Variants in SLC38A8 observed in about 807,000 individuals in gnomAD.
The protein encoded by SLC38A8 is solute carrier family 38 member 8.
Under a neutral mutation model 46.0 loss-of-function variants are expected in SLC38A8, and 65 were observed. The ratio of observed to expected loss-of-function variants is 1.41; its 90% CI spans 1.16 to 1.74. The LOEUF is 1.74. Among genes scored for constraint, SLC38A8 ranks in the 40% most tolerant of loss-of-function variants. The pLI is 0.00. For synonymous variants in SLC38A8, 447 were observed against 243.7 expected (o/e 1.83, Z -7.77); for missense variants, 998 against 567.9 (o/e 1.76, Z -7.70).
Position 84,009,767 on chromosome 16 carries a change from C to T in SLC38A8, c.*17G>A, listed in dbSNP as rs201725886. Reference sequence around the variant, plus strand: ...CAGCCCCCGGAGGGCCCCTTCCTGCCCGGCACTAGCTGCCCATCAGAACAT... The same window carrying T: ...CAGCCCCCGGAGGGCCCCTTCCTGCTCGGCACTAGCTGCCCATCAGAACAT... On this transcript the variant is annotated 3_prime_UTR_variant, in exon 11 of 11. Transcript: ENST00000299709. 454 of 1,610,862 alleles carry T rather than the reference C, an allele frequency of 2.8e-4. 2 individuals carry two copies. In the African/African-American group the frequency reaches 5.7e-3, roughly 20 times the overall value.
chr16:84,022,433 G>A (rs971286907), intron 7 of SLC38A8, among the ~76,000 whole-genome samples: 4 of 152,240 alleles, frequency 2.6e-5, no homozygotes, highest in Non-Finnish European at 4.4e-5. Context: ...ATGTTACAGT[G>A]TAATGACGGA....
At chr16:84,028,012 GATTACGAGGAA>G (rs2085186536) in intron 6 of SLC38A8, among the ~76,000 whole-genome samples, 2 of 151,822 alleles carry the variant, frequency 1.3e-5, no homozygotes, top group Non-Finnish European at 2.9e-5. Context: ...CACGCCGACT[GATTACGAGGAA>G]GAGAAATGGA....
chr16:84,036,285 G>C (rs776507280), intron 3 of SLC38A8, among the ~76,000 whole-genome samples: 1 of 152,242 alleles, frequency 6.6e-6, no homozygotes, highest in Non-Finnish European at 1.5e-5. Context: ...AAATTGGCAA[G>C]ATGCAGCTAA....
At chr16:84,025,577 C>A (rs574175485) in intron 6 of SLC38A8, among the ~76,000 whole-genome samples, 2 of 152,126 alleles carry the variant, frequency 1.3e-5, no homozygotes, top group Non-Finnish European at 2.9e-5. Context: ...GAGCCTGCAC[C>A]GAGCTGAATA....
At chr16:84,030,637 T>C (rs1156261589) in intron 5 of SLC38A8, among the ~76,000 whole-genome samples, 1 of 152,076 alleles carries the variant, frequency 6.6e-6, no homozygotes, top group East Asian at 1.9e-4. Flanking sequence ...TCTCCATCCT[T>C]CCCACTGTTC....
At chr16:84,037,750 G>C (rs1448098175) in intron 2 of SLC38A8, among the ~76,000 whole-genome samples, 1 of 138,852 alleles carries the variant, frequency 7.2e-6, no homozygotes, top group Non-Finnish European at 1.5e-5. Flanking sequence ...GATACAGAGA[G>C]ACTGCCTCCG....
chr16:84,026,254 G>C (rs11649522), intron 6 of SLC38A8, among the ~76,000 whole-genome samples: 33,522 of 151,430 alleles, frequency 0.22, 4,826 homozygotes, highest in Non-Finnish European at 0.32. Context: ...TTTTGAGACA[G>C]AGTCTCGCTC....
At position 84,017,266 on chromosome 16, in the gene SLC38A8, A is replaced by C; in HGVS notation, c.827T>G (p.Phe276Cys). 6.2e-7 allele frequency: 1 copy of C among 1,614,128 alleles called. No homozygotes were observed. The highest frequency in any genetic ancestry group is 8.5e-7 in the Non-Finnish European group (1 of 1,180,024). ...SLTGVYGFLT[F>C]GTEVSADVLM... ...GACGTCAGCAGAAACTTCTGTCCCAAAAGTCAGGAAGCCATAAACCCCTGA... is the reference window on the plus strand; with the variant it reads ...GACGTCAGCAGAAACTTCTGTCCCACAAGTCAGGAAGCCATAAACCCCTGA... The change falls in exon 8 of 11, where the codon TTT (phenylalanine) becomes TGT (cysteine). Residue 276 changes from phenylalanine to cysteine, a missense_variant. By Grantham distance (205) the Phe-to-Cys change is radical (BLOSUM62 -2). Coordinates refer to ENST00000299709, the MANE Select transcript of SLC38A8 (RefSeq NM_001080442.3).
intron 2 of SLC38A8, 37 bp downstream of exon 2, chr16:84,041,932 C>CGTA (rs1567707108): frequency 6.5e-7 from 1 of 1,529,386 alleles, no homozygotes; most frequent in Non-Finnish European, 8.8e-7. Context: ...AAAGCCACCT[C>CGTA]GTACCCGTCC....
At chr16:84,014,969 A>C (rs1297187160) in intron 9 of SLC38A8, among the ~76,000 whole-genome samples, 1 of 152,144 alleles carries the variant, frequency 6.6e-6, no homozygotes, top group Non-Finnish European at 1.5e-5. Context: ...GAGTTTTGGA[A>C]GACCTGTAAG....
At chr16:84,019,633 C>T (rs2085072460) in intron 7 of SLC38A8, among the ~76,000 whole-genome samples, 1 of 152,190 alleles carries the variant, frequency 6.6e-6, no homozygotes, top group Non-Finnish European at 1.5e-5. Context: ...ATAAATACCC[C>T]ATGGTTATTC....
chr16:84,029,616 A>C (rs954902577), intron 5 of SLC38A8, 65 bp from the exon 6 acceptor site: 1 of 1,503,566 alleles, frequency 6.7e-7, no homozygotes, highest in African/African-American at 1.4e-5. Flanking sequence ...CTGCGGCTGC[A>C]ATGGTGAATT....
chr16:84,013,732 T>C (rs2084987265), intron 9 of SLC38A8, among the ~76,000 whole-genome samples: 1 of 142,230 alleles, frequency 7.0e-6, no homozygotes, highest in Admixed American at 6.8e-5. Flanking sequence ...CCCAGCCCTT[T>C]TTTTTTTTTT....
At chr16:84,040,115 A>G (rs892012088) in intron 2 of SLC38A8, 2 of 152,122 alleles carry the variant, frequency 1.3e-5, no homozygotes, top group Non-Finnish European at 2.9e-5. Flanking sequence ...TCACATTTAA[A>G]CGCTCCCCAT....
intron 3 of SLC38A8, 65 bp downstream of exon 3, chr16:84,036,637 A>T: frequency 6.3e-7 from 1 of 1,578,474 alleles, no homozygotes; most frequent in Non-Finnish European, 8.6e-7. Flanking sequence ...GCTCAACTGG[A>T]AACTCCAAGA....
At chr16:84,015,638 A>C (rs16962537) in intron 9 of SLC38A8, among the ~76,000 whole-genome samples, 2,665 of 152,170 alleles carry the variant, frequency 0.018, 97 homozygotes, top group East Asian at 0.13. Context: ...TCCTACGTCA[A>C]GAATGTCCAT....
chr16:84,041,297 C>T (rs1333394008), intron 2 of SLC38A8: 1 of 152,304 alleles, frequency 6.6e-6, no homozygotes, highest in African/African-American at 2.4e-5. Context: ...GTTTTAGGCT[C>T]AATCTGCACA....
At chr16:84,022,303 G>A (rs990065755) in intron 7 of SLC38A8, among the ~76,000 whole-genome samples, 14 of 152,162 alleles carry the variant, frequency 9.2e-5, no homozygotes, top group African/African-American at 2.9e-4. Flanking sequence ...ACGATCCTGC[G>A]TGTCACAGCC....
intron 10 of SLC38A8, 28 bp from the exon 11 acceptor site, chr16:84,009,905 G>C (rs374009687): frequency 2.5e-6 from 4 of 1,601,442 alleles, no homozygotes; most frequent in African/African-American, 1.3e-5. Flanking sequence ...CCATGTCAGA[G>C]CTTTTCTGGA....
Sources: allele counts gnomAD v4.1 joint callset (sites outside exome capture counted in the v4.1 genomes callset), GRCh38; gene constraint gnomAD v4.1.1; transcripts MANE v1.5; gene names NCBI Gene and HGNC (gene_info 2026-07-23, HGNC 2026-07-21).